Variants in USP8 observed in about 807,000 individuals in gnomAD.
USP8 encodes ubiquitin specific peptidase 8.
In USP8, 27 loss-of-function variants were observed where a neutral mutation model predicts 130.0. That is an observed-to-expected ratio of 0.21 (90% CI 0.15 to 0.29). The LOEUF is 0.29. Ranked by LOEUF, USP8 falls within the 10% of genes least tolerant of loss-of-function variation. The pLI is 1.00. For synonymous variants in USP8, 392 were observed against 444.1 expected (o/e 0.88, Z 1.48); for missense variants, 1,029 against 1,312.2 (o/e 0.78, Z 3.33).
In USP8 at chr15:50,498,649, C is replaced by T. The variant is rs760792363; in HGVS notation, c.3092C>T (p.Pro1031Leu). The T allele has an allele frequency of 6.2e-7, 1 of 1,612,728 alleles. No individual in the cohort carries two copies. The highest frequency in any genetic ancestry group is 2.2e-5 in the East Asian group (1 of 44,842). Reference protein sequence around the residue: ...KQKLQTSVDFPLENLDLSQYV... With the variant: ...KQKLQTSVDFLLENLDLSQYV... ...AAATTACAGACATCTGTGGACTTCC[C>T]GTTAGAAAATCTTGACTTGTCACAG... Residue 1031 changes from proline to leucine, a missense_variant, in exon 19 of 20, where the codon CCG becomes CTG. Transcript: ENST00000307179.
chr15:50,466,922 G>T, intron 7 of USP8: 1 of 422,510 alleles, frequency 2.4e-6, no homozygotes, highest in South Asian at 2.1e-5. Flanking sequence ...CTAAGACTTT[G>T]AGAATCGCTA....
chr15:50,513,134 G>T lies in USP8; in HGVS notation c.*14046G>T, dbSNP rs2052759445. On this transcript the variant is annotated 3_prime_UTR_variant, in exon 20 of 20. Coordinates refer to ENST00000307179, the MANE Select transcript of USP8 (RefSeq NM_005154.5). Reference sequence around the variant, plus strand: ...AAGAAGTCTGATGATCCTGGTAGGGGTATGTATTGGTATAATCACTTGTAG... The same window carrying T: ...AAGAAGTCTGATGATCCTGGTAGGGTTATGTATTGGTATAATCACTTGTAG... 6.6e-6 allele frequency: 1 copy of T among 152,242 alleles called. No individual in the cohort carries two copies. Among genetic ancestry groups the T allele is most frequent in the East Asian group, 1.9e-4 (1 of 5,188 alleles). The allele number at this position is 152,242 out of a possible 1,614,324, so 9.4% of individuals were successfully genotyped here.
At chr15:50,445,765 G>A (rs1254938943) in intron 3 of USP8, among the ~76,000 whole-genome samples, 1 of 150,718 alleles carries the variant, frequency 6.6e-6, no homozygotes, top group African/African-American at 2.4e-5. Context: ...GCCGAGGCAG[G>A]CGAATTGCTT....
Position 50,481,463 on chromosome 15 carries a change from C to G in USP8, c.1219-18C>G, listed in dbSNP as rs1245395990. On this transcript the variant is annotated intron_variant, in intron 10 of 19. Coordinates refer to ENST00000307179, the MANE Select transcript of USP8 (RefSeq NM_005154.5). ...TGATTTTTGACAAAAATGTTTTGCT[C>G]TGGTTTTGTTGCTCTAGATTGATCG... is the stretch of plus-strand genomic sequence containing the variant. The G allele has an allele frequency of 2.0e-6, 3 of 1,496,434 alleles. No individual in the cohort carries two copies. The highest frequency in any genetic ancestry group is 1.4e-5 in the African/African-American group (1 of 69,930). 92.7% of individuals were successfully genotyped at this position (1,496,434 alleles called of 1,614,324 possible).
Position 50,490,487 on chromosome 15 carries a change from G to A in USP8, c.2196G>A (p.Arg732=), listed in dbSNP as rs2141317853. 1 of 1,614,040 alleles carries A rather than the reference G, an allele frequency of 6.2e-7. No individual in the cohort carries two copies. The highest frequency in any genetic ancestry group is 1.1e-5 in the South Asian group (1 of 91,062). Residue 732 remains arginine, a synonymous_variant, in exon 14 of 20, where the codon AGG becomes AGA. Transcript: ENST00000307179. ...AGGCTATTCAAGAGGAAGAGAAGAG[G>A]AAGCCAACAGTAACTCCAACAGTTA... is the stretch of plus-strand genomic sequence containing the variant. The part of the protein sequence containing the change: ...ITQAIQEEEK[R]KPTVTPTVNR...
chr15:50,474,172 T>G (rs2051483386), intron 8 of USP8, among the ~76,000 whole-genome samples: 1 of 152,062 alleles, frequency 6.6e-6, no homozygotes, highest in South Asian at 2.1e-4. Context: ...AATTTTATTT[T>G]ATTTTATTTT....
At chr15:50,437,757 C>G (rs903184045) in intron 1 of USP8, among the ~76,000 whole-genome samples, 3 of 152,200 alleles carry the variant, frequency 2.0e-5, no homozygotes, top group Admixed American at 1.3e-4. Flanking sequence ...AGATACCTCG[C>G]TAGAAGGACA....
rs911609550 is a variant in USP8 at position 50,430,833 on chromosome 15, A to G, written c.-66+6319A>G. ...CAACATTTTCCACATCGAATTACCT[A>G]CTTTGCTGTAAACCAGTGGTTCTTG... On this transcript the variant is annotated intron_variant, in intron 1 of 19. Coordinates refer to ENST00000307179, the MANE Select transcript of USP8 (RefSeq NM_005154.5). Among the ~76,000 whole-genome samples the G allele has an allele frequency of 2.6e-5, 4 of 152,100 alleles. No individual in the cohort carries two copies. The East Asian group carries it at 5.8e-4, about 22-fold the overall frequency.
chr15:50,447,805 T>A (rs2141264313), intron 3 of USP8, among the ~76,000 whole-genome samples: 1 of 151,750 alleles, frequency 6.6e-6, no homozygotes, highest in Admixed American at 6.6e-5. Flanking sequence ...GGTCTCACTA[T>A]ATGCCCAGGC....
chr15:50,451,108 T>C (rs548932962), intron 4 of USP8, among the ~76,000 whole-genome samples: 164 of 152,248 alleles, frequency 1.1e-3, no homozygotes, highest in Non-Finnish European at 2.0e-3. Context: ...TCATGTTACT[T>C]GTATTTAAAA....
At chr15:50,432,819 A>G (rs942600595) in intron 1 of USP8, among the ~76,000 whole-genome samples, 1 of 152,338 alleles carries the variant, frequency 6.6e-6, no homozygotes, top group Non-Finnish European at 1.5e-5. Context: ...TGGATTTTAA[A>G]AACACTGCCC....
At chr15:50,439,819 ATAATAATAAT>A (rs1320287111) in intron 2 of USP8, among the ~76,000 whole-genome samples, 4 of 139,336 alleles carry the variant, frequency 2.9e-5, no homozygotes, top group East Asian at 2.2e-4. Context: ...AATAATAATA[ATAATAATAAT>A]TTTTTTTTTC....
Position 50,513,240 on chromosome 15 carries a change from T to C in USP8, c.*14152T>C, listed in dbSNP as rs1034940169. 2 of 152,184 alleles carry C rather than the reference T, an allele frequency of 1.3e-5. No homozygotes were observed. Among genetic ancestry groups the C allele is most frequent in the Non-Finnish European group, 2.9e-5 (2 of 68,036 alleles). The allele number at this position is 152,184 out of a possible 1,614,324, so 9.4% of individuals were successfully genotyped here. On this transcript the variant is annotated 3_prime_UTR_variant, in exon 20 of 20. Transcript: ENST00000307179. ...CATGAGAGAAACTCTTATGCACATA[T>C]ATATGCAGGAATGTCTGCATAATGT...
At chr15:50,426,996 T>C (rs2414045) in intron 1 of USP8, 22,380 of 150,970 alleles carry the variant, frequency 0.15, 2,051 homozygotes, top group Middle Eastern at 0.27. Context: ...TGCTCTGTTG[T>C]CAGCCTGGAG....
chr15:50,489,131 A>G (rs980807200), intron 12 of USP8, among the ~76,000 whole-genome samples: 12 of 152,174 alleles, frequency 7.9e-5, no homozygotes, highest in Non-Finnish European at 1.3e-4. Context: ...ATTCAATTAT[A>G]TTGAGGTTGA....
At chr15:50,497,777 C>T (rs1431235608) in intron 18 of USP8, 1 of 152,154 alleles carries the variant, frequency 6.6e-6, no homozygotes, top group African/African-American at 2.4e-5. Flanking sequence ...CACATAATCA[C>T]ATAATCCATG....
rs145418277 is a variant in USP8 at position 50,494,220 on chromosome 15, G to T, written c.2598G>T (p.Gln866His). The change falls in exon 16 of 20, where the codon CAG becomes CAT. Residue 866 changes from glutamine to histidine, a missense_variant. Around this residue, in one of 4 missense-constraint regions of USP8, gnomAD observed 257 missense variants for 429.8 expected, o/e 0.60. Coordinates refer to ENST00000307179, the MANE Select transcript of USP8 (RefSeq NM_005154.5). ...KINDQFAGYS[Q>H]QDSQELLLFL... ...ATGACCAGTTTGCAGGATACAGTCA[G>T]CAAGATTCACAAGAATTGCTTCTGT... The T allele has an allele frequency of 6.2e-7, 1 of 1,613,408 alleles. No homozygotes were observed. Among genetic ancestry groups the T allele is most frequent in the African/African-American group, 1.3e-5 (1 of 74,892 alleles).
At position 50,495,845 on chromosome 15, in the gene USP8, C is replaced by A; in HGVS notation, c.2659-3C>A. On this transcript the variant is annotated splice_polypyrimidine_tract_variant and splice_region_variant and intron_variant, in intron 16 of 19. Transcript: ENST00000307179. ...TATAGAGCTTAAATCATTTTATTTC[C>A]AGGCTGATAATCGGAAGAGATATAA... 6.2e-7 allele frequency: 1 copy of A among 1,602,774 alleles called. No homozygotes were observed. The highest frequency in any genetic ancestry group is 2.2e-5 in the East Asian group (1 of 44,780).
chr15:50,438,718 A>G lies in USP8; in HGVS notation c.-65-291A>G, dbSNP rs1406587107. On this transcript the variant is annotated intron_variant, in intron 1 of 19. Coordinates refer to ENST00000307179, the MANE Select transcript of USP8 (RefSeq NM_005154.5). ...TTAATGCTATTTTAACAAAAGAAAC[A>G]TGTAAACGCTTTGATTATTCTTACT... Among the ~76,000 whole-genome samples the G allele has an allele frequency of 7.9e-5, 12 of 152,354 alleles. No homozygotes were observed. In the East Asian group the frequency reaches 2.1e-3, roughly 27 times the overall value.
Sources: allele counts gnomAD v4.1 joint callset (sites outside exome capture counted in the v4.1 genomes callset), GRCh38; gene constraint gnomAD v4.1.1; regional missense constraint gnomAD v4.1.1; transcripts MANE v1.5; gene names NCBI Gene and HGNC (gene_info 2026-07-23, HGNC 2026-07-21).